Variants in OSBPL9 observed in about 807,000 individuals in gnomAD.
The protein encoded by OSBPL9 is oxysterol-binding protein-related protein 9.
Under a neutral mutation model 106.6 loss-of-function variants are expected in OSBPL9, and 40 were observed. The ratio of observed to expected loss-of-function variants is 0.38; its 90% confidence interval spans 0.29 to 0.49. OSBPL9 has a LOEUF of 0.49. Among genes scored for constraint, OSBPL9 ranks in the 20% least tolerant of loss-of-function variants. The pLI is 0.97. For missense variants in OSBPL9, 609 were observed against 887.2 expected (o/e 0.69, Z 3.98); for synonymous variants, 269 against 295.4 (o/e 0.91, Z 0.92).
chr1:51,524,341 A>T, the OSBPL9 span, among the ~76,000 whole-genome samples: 286 of 152,330 alleles, frequency 1.9e-3, no homozygotes, highest in Non-Finnish European at 3.5e-3. Context: ...TGAGTTTAGG[A>T]CTGGGAAGGC....
intron 11 of OSBPL9, among the ~76,000 whole-genome samples, chr1:51,763,166 C>T (rs900025055): frequency 6.6e-6 from 1 of 151,936 alleles, no homozygotes; most frequent in Non-Finnish European, 1.5e-5. Flanking sequence ...CCACCACGCC[C>T]CACAAATTTT....
intron 3 of OSBPL9, among the ~76,000 whole-genome samples, chr1:51,690,811 G>A (rs1370120791): frequency 2.0e-5 from 3 of 152,140 alleles, no homozygotes; most frequent in Non-Finnish European, 2.9e-5. Flanking sequence ...GATGGTGATC[G>A]GTTCTGGGAA....
intron 1 of OSBPL9, among the ~76,000 whole-genome samples, chr1:51,629,232 A>G (rs1644958650): frequency 1.3e-5 from 2 of 151,976 alleles, no homozygotes; most frequent in Admixed American, 6.6e-5. Flanking sequence ...ATATATTGTT[A>G]TTGCTTTATT....
chr1:51,768,094 A>AC (rs1673012577), intron 12 of OSBPL9, among the ~76,000 whole-genome samples: 1 of 151,552 alleles, frequency 6.6e-6, no homozygotes, highest in Non-Finnish European at 1.5e-5. Flanking sequence ...GGCGCCCGCC[A>AC]CCACGCCTGG....
rs369458470 is a variant in OSBPL9 at position 51,705,538 on chromosome 1, C to T, written c.242-8465C>T. Among the ~76,000 whole-genome samples, 25 of 149,630 alleles carry T rather than the reference C, an allele frequency of 1.7e-4. No homozygotes were observed. The Middle Eastern group carries it at 0.01, about 61-fold the overall frequency. ...AAGCGATTCTCCTGCCTCAGCCTCC[C>T]GAGAGTAGCTGGGATTACAGGCATA... On this transcript the variant is annotated intron_variant, in intron 3 of 23. Coordinates refer to ENST00000428468, the MANE Select transcript of OSBPL9 (RefSeq NM_024586.6).
chr1:51,558,146 G>T, the OSBPL9 span, among the ~76,000 whole-genome samples: 2 of 151,976 alleles, frequency 1.3e-5, no homozygotes, highest in African/African-American at 2.4e-5. Context: ...CAGGCGTAGT[G>T]GCGGGCGCCT....
intron 1 of OSBPL9, among the ~76,000 whole-genome samples, chr1:51,626,327 A>G (rs1644762806): frequency 6.6e-6 from 1 of 152,100 alleles, no homozygotes; most frequent in South Asian, 2.1e-4. Context: ...CCATTTGCTC[A>G]CAAACTTTTC....
the OSBPL9 span, among the ~76,000 whole-genome samples, chr1:51,534,203 CA>C: frequency 3.6e-3 from 489 of 137,140 alleles, 1 homozygote; most frequent in African/African-American, 5.5e-3. Flanking sequence ...GACTACATCT[CA>C]AAAAAAAAAA....
At chr1:51,727,784 G>A (rs1663395184) in intron 4 of OSBPL9, among the ~76,000 whole-genome samples, 2 of 152,136 alleles carry the variant, frequency 1.3e-5, no homozygotes, top group South Asian at 4.1e-4. Context: ...GATCACTTGA[G>A]CCCAGGAGTT....
chr1:51,549,789 T>G, the OSBPL9 span, among the ~76,000 whole-genome samples: 1 of 152,230 alleles, frequency 6.6e-6, no homozygotes, highest in Non-Finnish European at 1.5e-5. Context: ...GCTGAGATTG[T>G]GCCACTGCAC....
intron 1 of OSBPL9, among the ~76,000 whole-genome samples, chr1:51,590,636 G>GA (rs1002982692): frequency 1.4e-5 from 2 of 140,022 alleles, no homozygotes; most frequent in African/African-American, 2.7e-5. Context: ...AAAAAAAAAA[G>GA]AAAAAAAAGA....
the OSBPL9 span, among the ~76,000 whole-genome samples, chr1:51,522,091 A>T: frequency 1.3e-5 from 2 of 152,204 alleles, no homozygotes; most frequent in Non-Finnish European, 2.9e-5. Flanking sequence ...ATGTTCAGTA[A>T]GTACATTATA....
At chr1:51,668,621 G>A (rs1649097358) in intron 2 of OSBPL9, among the ~76,000 whole-genome samples, 2 of 152,140 alleles carry the variant, frequency 1.3e-5, no homozygotes, top group African/African-American at 4.8e-5. Flanking sequence ...GCAACAGGGT[G>A]AGACTCTGTC....
At chr1:51,678,432 G>A (rs1311155741) in intron 3 of OSBPL9, among the ~76,000 whole-genome samples, 2 of 152,110 alleles carry the variant, frequency 1.3e-5, no homozygotes, top group African/African-American at 2.4e-5. Context: ...AGGCCAAGGC[G>A]GGCGGATCAT....
intron 4 of OSBPL9, among the ~76,000 whole-genome samples, chr1:51,726,660 A>G (rs952100896): frequency 2.0e-5 from 3 of 152,116 alleles, no homozygotes; most frequent in African/African-American, 7.2e-5. Flanking sequence ...AGCCTTAGTT[A>G]TATAGTTGAA....
At chr1:51,607,977 T>C (rs1276424936) in intron 2 of OSBPL9, among the ~76,000 whole-genome samples, 1 of 152,172 alleles carries the variant, frequency 6.6e-6, no homozygotes, top group Non-Finnish European at 1.5e-5. Flanking sequence ...GCATCTCTCC[T>C]CTCTTGATTT....
intron 4 of OSBPL9, chr1:51,745,185 G>A: frequency 5.3e-6 from 1 of 187,022 alleles, no homozygotes; most frequent in Non-Finnish European, 1.1e-5. Context: ...AGTAACCTAG[G>A]TGGGTTTTGT....
intron 1 of OSBPL9, among the ~76,000 whole-genome samples, chr1:51,594,487 T>C (rs1489125722): frequency 1.3e-5 from 2 of 152,114 alleles, no homozygotes; most frequent in East Asian, 3.8e-4. Context: ...TGACCCCCTT[T>C]TTCCTCCAGG....
rs755142768 is a variant in OSBPL9 at position 51,789,160 on chromosome 1, A to ATAAC, written c.*1377_*1380dup. ...TCAATGGAAGCCCTAAGGCAGTAGT[A>ATAAC]TAACTAACTCCATAAAATACAAACA... On this transcript the variant is annotated 3_prime_UTR_variant, in exon 24 of 24. Coordinates refer to ENST00000428468, the MANE Select transcript of OSBPL9 (RefSeq NM_024586.6). 366 of 1,375,174 alleles carry ATAAC rather than the reference A, an allele frequency of 2.7e-4. 1 individual carries two copies. Among genetic ancestry groups the ATAAC allele is most frequent in the Middle Eastern group, 2.3e-3 (10 of 4,258 alleles). 85.2% of individuals were successfully genotyped at this position (1,375,174 alleles called of 1,614,324 possible).
Sources: gnomAD v4.1 joint callset for allele counts (sites outside exome capture counted in the v4.1 genomes callset) on GRCh38, gnomAD v4.1.1 for gene constraint, MANE v1.5 for transcripts, NCBI Gene and HGNC (gene_info 2026-07-23, HGNC 2026-07-21) for gene names.